The following GNG10 variants were observed in gnomAD, a reference collection of about 807,000 sequenced individuals.
GNG10 encodes guanine nucleotide-binding protein G(I)/G(S)/G(O) subunit gamma-10.
Under a neutral mutation model 6.8 loss-of-function variants are expected in GNG10, and 7 were observed. The ratio of observed to expected loss-of-function variants is 1.02; its 90% confidence interval spans 0.58 to 1.92. GNG10 has a LOEUF of 1.92. GNG10 is among the 30% of genes most tolerant of loss of function. The pLI is 0.00. For missense variants in GNG10, 57 were observed against 86.1 expected (o/e 0.66, Z 1.34); for synonymous variants, 28 against 34.8 (o/e 0.80, Z 0.69).
At chr9:111,663,074 G>A (rs1830848375) in intron 1 of GNG10, among the ~76,000 whole-genome samples, 1 of 152,168 alleles carries the variant, frequency 6.6e-6, no homozygotes, top group Non-Finnish European at 1.5e-5. Context: ...AAGAAAGAAG[G>A]TAAGGGTGTG....
At chr9:111,668,000 G>A (rs1830932477) in intron 2 of GNG10, among the ~76,000 whole-genome samples, 1 of 152,148 alleles carries the variant, frequency 6.6e-6, no homozygotes, top group Non-Finnish European at 1.5e-5. Context: ...GGGATTACAG[G>A]CGCATGCCAC....
intron 1 of GNG10, among the ~76,000 whole-genome samples, chr9:111,665,543 T>A (rs1830883308): frequency 6.6e-6 from 1 of 152,180 alleles, no homozygotes. Context: ...AGGCAGGTGC[T>A]GGTTGTAGCT....
At chr9:111,666,165 T>G (rs1212458374) in intron 1 of GNG10, among the ~76,000 whole-genome samples, 4 of 152,154 alleles carry the variant, frequency 2.6e-5, no homozygotes, top group African/African-American at 9.7e-5. Flanking sequence ...TCTAATAGCT[T>G]TATATGTGTG....
In GNG10 at chr9:111,664,203, G is replaced by A. The variant is rs1287316274; in HGVS notation, c.81+2488G>A. On this transcript the variant is annotated intron_variant, in intron 1 of 2. Transcript: ENST00000374293. ...GAGAGCCATATAATTCAGGTGAATTGCCTGAGCTCGCAGTAAGCTTATTTA... is the reference window on the plus strand; with the variant it reads ...GAGAGCCATATAATTCAGGTGAATTACCTGAGCTCGCAGTAAGCTTATTTA... 3.3e-5 allele frequency among the ~76,000 whole-genome samples: 5 copies of A among 152,232 alleles called. 1 individual carries two copies. In the South Asian group the frequency reaches 1.0e-3, roughly 32 times the overall value.
Position 111,669,598 on chromosome 9 carries a change from G to A in GNG10, c.*336G>A, listed in dbSNP as rs1423868215. ...AAGATTTCTATACCTGGAATATCAT[G>A]TATGTTTCATTTACTGGATGTTTAC... On this transcript the variant is annotated 3_prime_UTR_variant, in exon 3 of 3. Transcript: ENST00000374293. 6.8e-6 allele frequency: 1 copy of A among 146,422 alleles called. No homozygotes were observed. The highest frequency in any genetic ancestry group is 1.5e-5 in the Non-Finnish European group (1 of 67,132). The allele number at this position is 146,422 out of a possible 1,614,324, so 9.1% of individuals were successfully genotyped here.
intron 1 of GNG10, 93 bp from the exon 2 acceptor site, chr9:111,666,722 T>C: frequency 6.8e-7 from 1 of 1,461,884 alleles, no homozygotes; most frequent in Non-Finnish European, 9.1e-7. Flanking sequence ...AAAGTTGATA[T>C]TTACCAAGTT....
chr9:111,661,722 GC>G lies in GNG10; in HGVS notation c.81+11del. ...TGGCGTGGAGAGGATCAAGGTGCGG[GC>G]CCCGGGTACCCACGCTCCGGTCCTT... On this transcript the variant is annotated splice_region_variant and intron_variant, in intron 1 of 2. Coordinates refer to ENST00000374293, the MANE Select transcript of GNG10 (RefSeq NM_001017998.4). This position sits in a 1 kb window ranked among gnomAD's most constrained non-coding sequence, Gnocchi z 6.1. 19 of 1,338,384 alleles carry G rather than the reference GC, an allele frequency of 1.4e-5. No homozygotes were observed. The highest frequency in any genetic ancestry group is 2.3e-4 in the Middle Eastern group (1 of 4,444). 82.9% of individuals were successfully genotyped at this position (1,338,384 alleles called of 1,614,324 possible). A position where few individuals can be genotyped will look rare whatever the true frequency, so the allele number is the denominator to read the frequency against.
intron 1 of GNG10, among the ~76,000 whole-genome samples, chr9:111,663,850 C>G: frequency 6.8e-6 from 1 of 147,650 alleles, no homozygotes; most frequent in Admixed American, 6.8e-5. Flanking sequence ...GATGGAGTTT[C>G]ATTCTTGTTG....
At chr9:111,662,386 G>A (rs1830837413) in intron 1 of GNG10, among the ~76,000 whole-genome samples, 2 of 152,270 alleles carry the variant, frequency 1.3e-5, no homozygotes, top group Admixed American at 6.5e-5. Flanking sequence ...ACCGATGGCC[G>A]GTGGCCGAGA....
intron 1 of GNG10, among the ~76,000 whole-genome samples, chr9:111,664,484 G>A (rs1830870218): frequency 6.6e-6 from 1 of 152,162 alleles, no homozygotes; most frequent in Non-Finnish European, 1.5e-5. Flanking sequence ...CCCAGCTATA[G>A]GAATGCTTGG....
intron 1 of GNG10, among the ~76,000 whole-genome samples, chr9:111,663,287 C>A (rs114254827): frequency 0.031 from 4,747 of 150,902 alleles, 188 homozygotes; most frequent in African/African-American, 0.084. Context: ...TTTTTTTTTT[C>A]CTGCAGCAAT....
At chr9:111,664,455 A>G (rs1830869738) in intron 1 of GNG10, among the ~76,000 whole-genome samples, 1 of 152,134 alleles carries the variant, frequency 6.6e-6, no homozygotes, top group Non-Finnish European at 1.5e-5. Context: ...TTTCTAGCAT[A>G]TAATAGAGGA....
intron 2 of GNG10, among the ~76,000 whole-genome samples, chr9:111,667,422 G>A (rs1830920743): frequency 1.3e-5 from 2 of 152,022 alleles, no homozygotes; most frequent in South Asian, 4.1e-4. Context: ...TAGAGATGGG[G>A]TTTCACCATA....
chr9:111,664,302 T>C (rs545724889), intron 1 of GNG10, among the ~76,000 whole-genome samples: 31 of 152,302 alleles, frequency 2.0e-4, no homozygotes, highest in African/African-American at 7.2e-4. Context: ...AGGGCTTCCC[T>C]CAGACAATAC....
At chr9:111,663,746 G>A (rs1408846920) in intron 1 of GNG10, among the ~76,000 whole-genome samples, 2 of 152,114 alleles carry the variant, frequency 1.3e-5, no homozygotes, top group East Asian at 1.9e-4. Flanking sequence ...GTGGGGACAT[G>A]AGGTAGAAAG....
intron 1 of GNG10, among the ~76,000 whole-genome samples, chr9:111,662,253 A>G (rs79847281): frequency 0.049 from 7,436 of 152,022 alleles, 336 homozygotes; most frequent in South Asian, 0.13. Context: ...TCCGGGAGGT[A>G]TTTGTCCTCA....
intron 1 of GNG10, among the ~76,000 whole-genome samples, chr9:111,663,821 C>CTT (rs5899961): frequency 6.9e-6 from 1 of 144,814 alleles, no homozygotes; most frequent in Non-Finnish European, 1.5e-5. Context: ...GAAAGATATT[C>CTT]TTTTTTTTTT....
intron 2 of GNG10, among the ~76,000 whole-genome samples, chr9:111,668,737 G>A (rs778757279): frequency 6.6e-6 from 1 of 152,066 alleles, no homozygotes; most frequent in Non-Finnish European, 1.5e-5. Context: ...TGCCTGCCTC[G>A]GCCTCCCGAA....
rs749624831 is a variant in GNG10, at chr9:111,661,727, G to C, written c.81+12G>C. On this transcript the variant is annotated intron_variant, in intron 1 of 2. Coordinates refer to ENST00000374293, the MANE Select transcript of GNG10 (RefSeq NM_001017998.4). This position sits in a 1 kb window ranked among gnomAD's most constrained non-coding sequence, Gnocchi z 6.1. ...TGGAGAGGATCAAGGTGCGGGCCCC[G>C]GGTACCCACGCTCCGGTCCTTCCGC... 44 of 1,325,228 alleles carry C rather than the reference G, an allele frequency of 3.3e-5. 1 individual carries two copies. In the South Asian group the frequency reaches 7.0e-4, roughly 21 times the overall value. The allele number at this position is 1,325,228 out of a possible 1,614,324, so 82.1% of individuals were successfully genotyped here.
Sources: allele counts gnomAD v4.1 joint callset (sites outside exome capture counted in the v4.1 genomes callset), GRCh38; gene constraint gnomAD v4.1.1; non-coding constraint Gnocchi (gnomAD v3.1); transcripts MANE v1.5; gene names NCBI Gene and HGNC (gene_info 2026-07-23, HGNC 2026-07-21).